The following GMPS variants were observed in gnomAD, a reference collection of about 807,000 sequenced individuals.
GMPS encodes the protein guanosine monophosphate synthase.
GMPS carries 15 observed loss-of-function variants against 77.9 expected under a neutral mutation model. The observed-to-expected ratio is 0.19, with a 90% CI of 0.13 to 0.30. The LOEUF (loss-of-function observed/expected upper bound fraction) is 0.30. Ranked by LOEUF, GMPS falls within the 10% of genes least tolerant of loss-of-function variation. The pLI, the probability that GMPS is intolerant of heterozygous loss-of-function variation, is 1.00. For missense variants in GMPS, 590 were observed against 838.8 expected (o/e 0.70, Z 3.66); for synonymous variants, 224 against 275.9 (o/e 0.81, Z 1.86).
chr3:155,896,119 C>G (rs1480947416), intron 2 of GMPS, among the ~76,000 whole-genome samples: 1 of 151,906 alleles, frequency 6.6e-6, no homozygotes, highest in Non-Finnish European at 1.5e-5. Flanking sequence ...ACACCATTCT[C>G]CTGCCTCAGC....
Position 155,931,751 on chromosome 3 carries a change from C to A in GMPS, c.1561-14C>A. ...TTGACTATTAAAAATTATTGATTAT[C>A]TTTTTATTTTCAGGGTGACTGTCGT... On this transcript the variant is annotated splice_polypyrimidine_tract_variant and intron_variant, in intron 12 of 15. Coordinates refer to ENST00000496455, the MANE Select transcript of GMPS (RefSeq NM_003875.3). The A allele has an allele frequency of 2.0e-6, 2 of 997,520 alleles. No individual in the cohort carries two copies. Among genetic ancestry groups the A allele is most frequent in the Non-Finnish European group, 3.1e-6 (2 of 650,594 alleles). The allele number at this position is 997,520 out of a possible 1,614,324, so 61.8% of individuals were successfully genotyped here.
Position 155,870,807 on chromosome 3 carries a change from C to A in GMPS, c.-64C>A. On this transcript the variant is annotated 5_prime_UTR_variant, in exon 1 of 16. Coordinates refer to ENST00000496455, the MANE Select transcript of GMPS (RefSeq NM_003875.3). ...ACCTCAGCCCGCGGCGCCGACCCTT[C>A]CGGCACCCTCCCGCCCCGTCTCGTA... The A allele has an allele frequency of 8.5e-7, 1 of 1,171,214 alleles. No individual in the cohort carries two copies. Among genetic ancestry groups the A allele is most frequent in the Non-Finnish European group, 1.2e-6 (1 of 829,208 alleles). 72.6% of individuals were successfully genotyped at this position (1,171,214 alleles called of 1,614,324 possible).
At chr3:155,929,218 T>G (rs1325744921) in intron 12 of GMPS, among the ~76,000 whole-genome samples, 1 of 151,028 alleles carries the variant, frequency 6.6e-6, no homozygotes, top group Non-Finnish European at 1.5e-5. Flanking sequence ...GACTTTTTAA[T>G]GATTGCCATT....
chr3:155,912,961 C>T (rs139765745), intron 7 of GMPS, among the ~76,000 whole-genome samples: 98 of 152,334 alleles, frequency 6.4e-4, no homozygotes, highest in African/African-American at 2.3e-3. Flanking sequence ...GCTCTCCTTC[C>T]CCATCAGAAC....
intron 5 of GMPS, among the ~76,000 whole-genome samples, chr3:155,909,941 G>C (rs1305636229): frequency 2.0e-5 from 3 of 146,924 alleles, no homozygotes; most frequent in Non-Finnish European, 3.0e-5. Flanking sequence ...TAAATACCCT[G>C]TCTAAAAAAT....
At chr3:155,874,030 C>G (rs1015239789) in intron 1 of GMPS, among the ~76,000 whole-genome samples, 9 of 152,184 alleles carry the variant, frequency 5.9e-5, no homozygotes, top group African/African-American at 2.2e-4. Flanking sequence ...TTATCCCTCA[C>G]CCGCTTCCTA....
At position 155,943,600 on chromosome 3, in the gene GMPS, T is replaced by C. The variant is rs185170878; in HGVS notation, c.*5908T>C. The stretch of plus-strand genomic sequence containing the variant: ...AAGTAGTATTGTTATGAAATCACTG[T>C]GTAATTGTTAATTGTAAACTGCAAT... On this transcript the variant is annotated 3_prime_UTR_variant, in exon 16 of 16. Transcript: ENST00000496455. The C allele has an allele frequency of 8.9e-5, 16 of 178,910 alleles. No individual in the cohort carries two copies. The highest frequency in any genetic ancestry group is 3.8e-4 in the African/African-American group (16 of 42,474). 11.1% of individuals were successfully genotyped at this position (178,910 alleles called of 1,614,324 possible). A position where few individuals can be genotyped will look rare whatever the true frequency, so the allele number is the denominator to read the frequency against.
At chr3:155,899,556 A>G (rs1214520256) in intron 3 of GMPS, among the ~76,000 whole-genome samples, 3 of 152,112 alleles carry the variant, frequency 2.0e-5, no homozygotes, top group Non-Finnish European at 2.9e-5. Context: ...CATTATCAAC[A>G]TCCCACACCA....
chr3:155,911,502 T>C (rs925565692), intron 7 of GMPS, among the ~76,000 whole-genome samples: 5 of 152,184 alleles, frequency 3.3e-5, no homozygotes, highest in Non-Finnish European at 7.3e-5. Context: ...TAACATTTTC[T>C]AGCTACTGTT....
chr3:155,897,662 G>GT (rs1754634735), intron 2 of GMPS, among the ~76,000 whole-genome samples: 1 of 152,134 alleles, frequency 6.6e-6, no homozygotes, highest in African/African-American at 2.4e-5. Context: ...AGAAACATTG[G>GT]TATTATCTAT....
At chr3:155,874,901 C>CTTTTTTTTTTTTTT (rs1171275758) in intron 1 of GMPS, among the ~76,000 whole-genome samples, 5 of 71,416 alleles carry the variant, frequency 7.0e-5, no homozygotes, top group Admixed American at 2.0e-4. Flanking sequence ...ACTTTGTTTT[C>CTTTTTTTTTTTTTT]TTTTTTTTTT....
chr3:155,901,118 C>T (rs1380398909), intron 3 of GMPS, among the ~76,000 whole-genome samples: 1 of 152,126 alleles, frequency 6.6e-6, no homozygotes, highest in Non-Finnish European at 1.5e-5. Context: ...GCTTTTGAAA[C>T]TTTGTATGTC....
intron 7 of GMPS, 134 bp downstream of exon 7, chr3:155,911,413 T>C: frequency 1.9e-6 from 1 of 529,312 alleles, no homozygotes; most frequent in Non-Finnish European, 3.3e-6. Context: ...ATTTTTACAA[T>C]TACCTCTGGT....
chr3:155,871,063 A>G (rs907306040), intron 1 of GMPS, among the ~76,000 whole-genome samples, 166 bp downstream of exon 1: 1 of 151,646 alleles, frequency 6.6e-6, no homozygotes, highest in Non-Finnish European at 1.5e-5. Context: ...GGCCTGTGGC[A>G]TGTTTTATCT....
chr3:155,877,268 C>T (rs1392953733), intron 1 of GMPS, among the ~76,000 whole-genome samples: 3 of 152,182 alleles, frequency 2.0e-5, no homozygotes, highest in Non-Finnish European at 2.9e-5. Context: ...CTTCATTATA[C>T]TTATTATTTG....
rs530860770 is a variant in GMPS, at chr3:155,909,051, G to A, written c.527-1641G>A. Reference sequence around the variant, plus strand: ...AGACAGTAAAATAAGTGAACCAAGAGAGTGGTATGCTGAGAGCCAAATAAA... The same window carrying A: ...AGACAGTAAAATAAGTGAACCAAGAAAGTGGTATGCTGAGAGCCAAATAAA... On this transcript the variant is annotated intron_variant, in intron 5 of 15. Transcript: ENST00000496455. 3.2e-4 allele frequency among the ~76,000 whole-genome samples: 48 copies of A among 152,290 alleles called. No homozygotes were observed. The South Asian group carries it at 8.9e-3, about 28-fold the overall frequency.
chr3:155,914,586 A>G lies in GMPS; in HGVS notation c.1038+16A>G, dbSNP rs543389343. On this transcript the variant is annotated intron_variant, in intron 8 of 15. Transcript: ENST00000496455. ...TTTTGTTAAGGTACCTTTGTTTTTA[A>G]TATCCTCAACATGTACTATTTTTGA... The G allele has an allele frequency of 1.3e-6, 2 of 1,522,090 alleles. No individual in the cohort carries two copies. The highest frequency in any genetic ancestry group is 1.8e-6 in the Non-Finnish European group (2 of 1,121,912). The allele number at this position is 1,522,090 out of a possible 1,614,324, so 94.3% of individuals were successfully genotyped here. A position where few individuals can be genotyped will look rare whatever the true frequency, so the allele number is the denominator to read the frequency against.
chr3:155,906,100 G>T, intron 4 of GMPS, 60 bp from the exon 5 acceptor site: 3 of 945,272 alleles, frequency 3.2e-6, no homozygotes, highest in Non-Finnish European at 4.7e-6. Flanking sequence ...TAAAACAAAA[G>T]AACCCATGAA....
intron 14 of GMPS, among the ~76,000 whole-genome samples, chr3:155,935,481 G>A (rs968123236): frequency 7.9e-5 from 12 of 152,218 alleles, no homozygotes; most frequent in African/African-American, 2.4e-4. Context: ...GATTACAGGC[G>A]TGAGCCACTG....
Sources: allele counts gnomAD v4.1 joint callset (sites outside exome capture counted in the v4.1 genomes callset), GRCh38; gene constraint gnomAD v4.1.1; transcripts MANE v1.5; gene names NCBI Gene and HGNC (gene_info 2026-07-23, HGNC 2026-07-21).